The following FREM2 variants were observed in gnomAD, a reference collection of about 807,000 sequenced individuals.
FREM2 encodes the protein FRAS1 related extracellular matrix 2.
Under a neutral mutation model 219.9 loss-of-function variants are expected in FREM2, and 119 were observed. The observed-to-expected ratio is 0.54, with a 90% CI of 0.47 to 0.63. The LOEUF (loss-of-function observed/expected upper bound fraction) is 0.63, where lower values mean the gene tolerates loss of function less well. Among genes scored for constraint, FREM2 ranks in the 30% least tolerant of loss-of-function variants. The pLI is 0.00. For missense variants in FREM2, 4,030 were observed against 3,993.6 expected (o/e 1.01, Z -0.25); for synonymous variants, 1,562 against 1,522.8 (o/e 1.03, Z -0.60).
chr13:38,801,449 G>GT lies in FREM2; in HGVS notation c.6019+16642dup, dbSNP rs1202020734. ...TTATGTTGATATCTGTGCATCTGGT[G>GT]TAACTATTGCTTCTAATTTTTTGAA... On this transcript the variant is annotated intron_variant, in intron 6 of 23. Coordinates refer to ENST00000280481, the MANE Select transcript of FREM2 (RefSeq NM_207361.6). Among the ~76,000 whole-genome samples the GT allele has an allele frequency of 2.6e-5, 4 of 152,156 alleles. No homozygotes were observed. The East Asian group carries it at 7.7e-4, about 29-fold the overall frequency.
intron 2 of FREM2, among the ~76,000 whole-genome samples, chr13:38,762,821 C>T (rs935733577): frequency 6.6e-6 from 1 of 152,158 alleles, no homozygotes; most frequent in African/African-American, 2.4e-5. Context: ...AGCAGCTTCT[C>T]CTGTATCATG....
At chr13:38,828,622 G>T (rs1168699287) in intron 6 of FREM2, among the ~76,000 whole-genome samples, 1 of 151,882 alleles carries the variant, frequency 6.6e-6, no homozygotes, top group African/African-American at 2.4e-5. Context: ...GAGGCAGGAG[G>T]ATCACTTGAG....
intron 4 of FREM2, among the ~76,000 whole-genome samples, chr13:38,778,688 A>G (rs1319978209): frequency 2.0e-5 from 3 of 152,136 alleles, no homozygotes; most frequent in African/African-American, 4.8e-5. Flanking sequence ...AAAATAACCA[A>G]TGAGTACTAG....
At chr13:38,820,714 C>T (rs578038476) in intron 6 of FREM2, among the ~76,000 whole-genome samples, 41 of 151,998 alleles carry the variant, frequency 2.7e-4, no homozygotes, top group Non-Finnish European at 4.3e-4. Context: ...AATCATAAAA[C>T]ATACAGAAAA....
At position 38,725,675 on chromosome 13, in the gene FREM2, C is replaced by T. The variant is rs1045079707; in HGVS notation, c.5263+27888C>T. Among the ~76,000 whole-genome samples the T allele has an allele frequency of 5.3e-5, 8 of 152,146 alleles. No individual in the cohort carries two copies. In the East Asian group the frequency reaches 5.8e-4, roughly 11 times the overall value. Reference sequence around the variant, plus strand: ...TGAGTGGAAGCCTGTCATTCAGACCCGTTTGTTCTCTTCACTTAAAGTTTT... The same window carrying T: ...TGAGTGGAAGCCTGTCATTCAGACCTGTTTGTTCTCTTCACTTAAAGTTTT... On this transcript the variant is annotated intron_variant, in intron 2 of 23. Transcript: ENST00000280481.
chr13:38,830,986 G>GC (rs1375084926), intron 6 of FREM2, among the ~76,000 whole-genome samples: 1 of 152,062 alleles, frequency 6.6e-6, no homozygotes. Flanking sequence ...TTAAGATGAG[G>GC]CCCCAGGAAT....
intron 5 of FREM2, 22 bp downstream of exon 5, chr13:38,783,217 CT>C (rs749530307): frequency 6.2e-7 from 1 of 1,613,626 alleles, no homozygotes; most frequent in Non-Finnish European, 8.5e-7. Flanking sequence ...TGCCGAAAAA[CT>C]AAGATAACCC....
At chr13:38,756,287 A>G (rs1440851352) in intron 2 of FREM2, among the ~76,000 whole-genome samples, 2 of 152,202 alleles carry the variant, frequency 1.3e-5, no homozygotes, top group African/African-American at 4.8e-5. Flanking sequence ...GGGGAAATAC[A>G]GGGTTAGGTT....
intron 2 of FREM2, among the ~76,000 whole-genome samples, chr13:38,730,435 T>C (rs1313754417): frequency 6.6e-6 from 1 of 152,208 alleles, no homozygotes; most frequent in Non-Finnish European, 1.5e-5. Flanking sequence ...CCATGGCAGT[T>C]GCTAAAGTAC....
chr13:38,833,747 C>A (rs1876600337), intron 6 of FREM2, among the ~76,000 whole-genome samples: 1 of 152,074 alleles, frequency 6.6e-6, no homozygotes, highest in Non-Finnish European at 1.5e-5. Flanking sequence ...ATCTTCAAAG[C>A]CTGAAAAACC....
chr13:38,840,014 C>G (rs1185254994), intron 6 of FREM2, among the ~76,000 whole-genome samples: 3 of 152,172 alleles, frequency 2.0e-5, no homozygotes, highest in Non-Finnish European at 2.9e-5. Flanking sequence ...GAAAAAAACT[C>G]CTGCAGCTAG....
intron 16 of FREM2, among the ~76,000 whole-genome samples, chr13:38,870,203 G>A (rs1946581851): frequency 6.6e-6 from 1 of 152,040 alleles, no homozygotes; most frequent in South Asian, 2.1e-4. Context: ...CCATCCCATT[G>A]TTTTATACTT....
chr13:38,876,171 T>C (rs764070800), intron 19 of FREM2, 22 bp downstream of exon 19: 9 of 1,614,124 alleles, frequency 5.6e-6, no homozygotes, highest in Middle Eastern at 1.6e-4. Flanking sequence ...AGACTCTTAA[T>C]TAATTTTCTT....
chr13:38,703,450 G>A (rs905269707), intron 2 of FREM2, among the ~76,000 whole-genome samples: 3 of 152,218 alleles, frequency 2.0e-5, no homozygotes, highest in Non-Finnish European at 2.9e-5. Flanking sequence ...GAGACCACAA[G>A]GTCTACTAGA....
chr13:38,758,556 G>A (rs964275665), intron 2 of FREM2, among the ~76,000 whole-genome samples: 2 of 152,150 alleles, frequency 1.3e-5, no homozygotes, highest in African/African-American at 4.8e-5. Context: ...AGCCCCTGGG[G>A]GCAGGGTAAG....
At chr13:38,803,685 C>T (rs551977163) in intron 6 of FREM2, among the ~76,000 whole-genome samples, 1 of 150,778 alleles carries the variant, frequency 6.6e-6, no homozygotes, top group South Asian at 2.1e-4. Flanking sequence ...CTTTGTGTGA[C>T]AACCCGCAGG....
In FREM2 at chr13:38,783,161, C is replaced by A; in HGVS notation, c.5733C>A (p.Ser1911Arg). The A allele has an allele frequency of 6.2e-7, 1 of 1,613,916 alleles. No individual in the cohort carries two copies. Among genetic ancestry groups the A allele is most frequent in the Non-Finnish European group, 8.5e-7 (1 of 1,179,904 alleles). ...FIPIRRSGDV[S>R]QELMVVCYTQ... Reference sequence around the variant, plus strand: ...CCATCAGGAGGAGCGGAGATGTGAGCCAGGAGTTGATGGTGGTCTGTTATA... The same window carrying A: ...CCATCAGGAGGAGCGGAGATGTGAGACAGGAGTTGATGGTGGTCTGTTATA... The change falls in exon 5 of 24, where the codon AGC becomes AGA. Residue 1911 changes from serine (S) to arginine (R), a missense_variant. Ser to Arg is a moderately radical substitution (Grantham distance 110). Transcript: ENST00000280481.
chr13:38,869,504 G>GCTTAC (rs1878086304), intron 16 of FREM2, among the ~76,000 whole-genome samples: 1 of 152,136 alleles, frequency 6.6e-6, no homozygotes, highest in Non-Finnish European at 1.5e-5. Flanking sequence ...CAGACATGAA[G>GCTTAC]CTTACGGAGG....
intron 6 of FREM2, among the ~76,000 whole-genome samples, chr13:38,840,642 A>ATG (rs1427701151): frequency 6.4e-5 from 9 of 140,028 alleles, no homozygotes; most frequent in Non-Finnish European, 1.2e-4. Context: ...ATATATATAT[A>ATG]TATGTGTATG....
Sources: gnomAD v4.1 joint callset for allele counts (sites outside exome capture counted in the v4.1 genomes callset) on GRCh38, gnomAD v4.1.1 for gene constraint, MANE v1.5 for transcripts, NCBI Gene and HGNC (gene_info 2026-07-23, HGNC 2026-07-21) for gene names.